CSMD2: variants seen among roughly 807,000 people sequenced by gnomAD.
CSMD2 encodes the protein CUB and sushi domain-containing protein 2.
CSMD2 carries 130 observed loss-of-function variants against 398.5 expected under a neutral mutation model. The ratio of observed to expected loss-of-function variants is 0.33; its 90% CI spans 0.28 to 0.38. CSMD2 has a LOEUF of 0.38. Among genes scored for constraint, CSMD2 ranks in the 10% least tolerant of loss-of-function variants. The pLI, the probability that CSMD2 is intolerant of heterozygous loss-of-function variation, is 1.00. For missense variants in CSMD2, 3,829 were observed against 4,764.9 expected (o/e 0.80, Z 5.78); for synonymous variants, 1,828 against 1,908.5 (o/e 0.96, Z 1.10).
intron 56 of CSMD2, among the ~76,000 whole-genome samples, chr1:33,549,569 C>T (rs949301513): frequency 5.3e-5 from 8 of 152,204 alleles, no homozygotes; most frequent in African/African-American, 1.9e-4. Context: ...ATTTTGATAG[C>T]ATCTGTCAGT....
chr1:34,090,064 T>G (rs1023752653), intron 1 of CSMD2, among the ~76,000 whole-genome samples: 2 of 152,170 alleles, frequency 1.3e-5, no homozygotes. Context: ...TCAGTGGCTA[T>G]TTTTCCGTTT....
At chr1:33,765,164 T>C (rs931078852) in intron 13 of CSMD2, among the ~76,000 whole-genome samples, 12 of 152,096 alleles carry the variant, frequency 7.9e-5, no homozygotes, top group African/African-American at 2.9e-4. Flanking sequence ...TTAACAGGAG[T>C]GCACATACAA....
At chr1:33,578,917 G>A (rs139931569) in intron 48 of CSMD2, among the ~76,000 whole-genome samples, 9 of 152,322 alleles carry the variant, frequency 5.9e-5, no homozygotes, top group Admixed American at 3.3e-4. Context: ...TGCTTTGCCC[G>A]CTGTGTCCTA....
At chr1:33,576,083 G>A (rs534454454) in intron 49 of CSMD2, among the ~76,000 whole-genome samples, 27 of 152,222 alleles carry the variant, frequency 1.8e-4, no homozygotes, top group African/African-American at 4.8e-4. Context: ...AATCAGTATC[G>A]ACAGCTGTCA....
chr1:34,129,297 T>C (rs570771649), intron 1 of CSMD2, among the ~76,000 whole-genome samples: 16 of 152,178 alleles, frequency 1.1e-4, no homozygotes, highest in Non-Finnish European at 1.9e-4. Context: ...TGTGCACATG[T>C]GCTTACATGT....
intron 10 of CSMD2, among the ~76,000 whole-genome samples, chr1:33,794,786 A>G (rs1448914881): frequency 6.6e-6 from 1 of 151,904 alleles, no homozygotes; most frequent in Non-Finnish European, 1.5e-5. Flanking sequence ...AGCAAGTTCT[A>G]GATGAGGCAG....
intron 10 of CSMD2, among the ~76,000 whole-genome samples, chr1:33,796,868 G>C (rs929409661): frequency 6.6e-6 from 1 of 152,142 alleles, no homozygotes; most frequent in East Asian, 1.9e-4. Flanking sequence ...ATGCATTCCT[G>C]GGGGGAGGTC....
intron 2 of CSMD2, among the ~76,000 whole-genome samples, chr1:34,069,393 GA>G (rs1288891573): frequency 6.6e-6 from 1 of 152,122 alleles, no homozygotes; most frequent in African/African-American, 2.4e-5. Flanking sequence ...GAAAGAGACA[GA>G]AATCCAGTAA....
intron 5 of CSMD2, among the ~76,000 whole-genome samples, chr1:33,867,887 C>T (rs1203005162): frequency 6.6e-6 from 1 of 152,178 alleles, no homozygotes; most frequent in Non-Finnish European, 1.5e-5. Context: ...CCCCAGCTCT[C>T]ATGCCACCCC....
intron 2 of CSMD2, among the ~76,000 whole-genome samples, chr1:34,033,556 C>A (rs753481527): frequency 2.0e-5 from 3 of 152,216 alleles, no homozygotes; most frequent in Admixed American, 6.5e-5. Context: ...TGCCTGGTGA[C>A]CCTCACAGGG....
chr1:33,997,360 T>C (rs1476628078), intron 3 of CSMD2, among the ~76,000 whole-genome samples: 1 of 152,232 alleles, frequency 6.6e-6, no homozygotes, highest in African/African-American at 2.4e-5. Context: ...TGCGGGTGCC[T>C]GCGTGTCCTT....
intron 44 of CSMD2, 87 bp downstream of exon 44, chr1:33,600,778 T>A: frequency 2.9e-6 from 4 of 1,396,710 alleles, no homozygotes; most frequent in Non-Finnish European, 4.0e-6. Flanking sequence ...CAAGGTCACA[T>A]GATCCGCAAA....
intron 12 of CSMD2, among the ~76,000 whole-genome samples, chr1:33,777,352 G>T (rs561861052): frequency 6.6e-6 from 1 of 152,182 alleles, no homozygotes; most frequent in Non-Finnish European, 1.5e-5. Context: ...TTCCAGGAAG[G>T]CAGAGGGGGC....
At chr1:34,117,305 G>A (rs1661700901) in intron 1 of CSMD2, among the ~76,000 whole-genome samples, 1 of 151,942 alleles carries the variant, frequency 6.6e-6, no homozygotes, top group Admixed American at 6.6e-5. Context: ...AAGTAAAAAG[G>A]ATTATAAAAG....
intron 32 of CSMD2, among the ~76,000 whole-genome samples, chr1:33,630,023 TTCTCTC>T (rs1642370589): frequency 6.6e-6 from 1 of 151,984 alleles, no homozygotes; most frequent in Admixed American, 6.6e-5. Flanking sequence ...TTATACATCT[TTCTCTC>T]TTTCTCTCTC....
chr1:33,812,717 G>A (rs1304094577), intron 9 of CSMD2, among the ~76,000 whole-genome samples: 3 of 152,190 alleles, frequency 2.0e-5, no homozygotes, highest in Non-Finnish European at 4.4e-5. Flanking sequence ...TTGAGATATG[G>A]TGAGGATGAA....
intron 13 of CSMD2, among the ~76,000 whole-genome samples, chr1:33,754,780 T>C (rs2583453): frequency 0.082 from 12,456 of 152,144 alleles, 573 homozygotes; most frequent in Admixed American, 0.12. Flanking sequence ...AAATTGTTTT[T>C]TGATGGGAGA....
intron 2 of CSMD2, among the ~76,000 whole-genome samples, chr1:34,052,610 A>G (rs911519293): frequency 6.6e-6 from 1 of 151,824 alleles, no homozygotes; most frequent in African/African-American, 2.4e-5. Flanking sequence ...GAGAACCCAG[A>G]CTAACACAGC....
chr1:34,046,704 G>A (rs538626733), intron 2 of CSMD2, among the ~76,000 whole-genome samples: 3 of 152,138 alleles, frequency 2.0e-5, no homozygotes, highest in East Asian at 1.9e-4. Flanking sequence ...TATTCCCACC[G>A]GTAACAATTA....
Sources: gnomAD v4.1 joint callset for allele counts (sites outside exome capture counted in the v4.1 genomes callset) on GRCh38, gnomAD v4.1.1 for gene constraint, MANE v1.5 for transcripts, NCBI Gene and HGNC (gene_info 2026-07-23, HGNC 2026-07-21) for gene names.